Variants in PHACTR1 observed in about 807,000 individuals in gnomAD.
The protein encoded by PHACTR1 is phosphatase and actin regulator 1.
Under a neutral mutation model 69.2 loss-of-function variants are expected in PHACTR1, and 16 were observed. That is an observed-to-expected ratio of 0.23 (90% CI 0.16 to 0.35). PHACTR1 has a LOEUF of 0.35. Among genes scored for constraint, PHACTR1 ranks in the 10% least tolerant of loss-of-function variants. The pLI is 1.00. For missense variants in PHACTR1, 510 were observed against 734.7 expected (o/e 0.69, Z 3.54); for synonymous variants, 312 against 284.5 (o/e 1.10, Z -0.97).
intron 6 of PHACTR1, among the ~76,000 whole-genome samples, chr6:13,173,451 C>T (rs1760881543): frequency 6.6e-6 from 1 of 152,166 alleles, no homozygotes; most frequent in Admixed American, 6.5e-5. Context: ...ACTCCCTAAA[C>T]TCAGGCAAAC....
intron 4 of PHACTR1, among the ~76,000 whole-genome samples, chr6:12,777,361 C>T (rs1376044752): frequency 6.6e-6 from 1 of 151,526 alleles, no homozygotes; most frequent in African/African-American, 2.4e-5. Context: ...AAGTGTAGTA[C>T]CCAATAGGTA....
intron 5 of PHACTR1, among the ~76,000 whole-genome samples, chr6:13,081,421 G>T (rs1339341220): frequency 6.6e-6 from 1 of 152,114 alleles, no homozygotes; most frequent in African/African-American, 2.4e-5. Flanking sequence ...AATGATAGAC[G>T]CAACATGTAT....
At chr6:12,894,048 CTT>C (rs1384321395) in intron 4 of PHACTR1, among the ~76,000 whole-genome samples, 4 of 152,178 alleles carry the variant, frequency 2.6e-5, no homozygotes, top group Admixed American at 6.5e-5. Flanking sequence ...TTATTGGTCT[CTT>C]TACTTTTTAA....
In PHACTR1 at chr6:13,130,463, A is replaced by G. The variant is rs963468367; in HGVS notation, c.416-29741A>G. Reference sequence around the variant, plus strand: ...AAGATCCAAATAAGCTCAATTAGAAATTAAACAGGAGATATTACAACCAAT... The same window carrying G: ...AAGATCCAAATAAGCTCAATTAGAAGTTAAACAGGAGATATTACAACCAAT... On this transcript the variant is annotated intron_variant, in intron 5 of 14. Transcript: ENST00000332995. 6.6e-5 allele frequency among the ~76,000 whole-genome samples: 10 copies of G among 152,272 alleles called. No homozygotes were observed. In the East Asian group the frequency reaches 1.7e-3, roughly 26 times the overall value.
rs116156186 is a variant in PHACTR1 at position 12,908,005 on chromosome 6, T to G, written c.251-145360T>G. Among the ~76,000 whole-genome samples the G allele has an allele frequency of 8.2e-3, 1,250 of 152,344 alleles. 13 individuals carry two copies. Among genetic ancestry groups the G allele is most frequent in the Middle Eastern group, 0.017 (5 of 294 alleles). On this transcript the variant is annotated intron_variant, in intron 4 of 14. Coordinates refer to ENST00000332995, the MANE Select transcript of PHACTR1 (RefSeq NM_030948.6). ...GTCCATCTATGTGATTCTTGAATAA[T>G]TCCCACAAAATCTCCAGCTTAGCCT...
chr6:12,951,003 G>A (rs1328562621), intron 4 of PHACTR1, among the ~76,000 whole-genome samples: 1 of 152,164 alleles, frequency 6.6e-6, no homozygotes, highest in Non-Finnish European at 1.5e-5. Context: ...ACCAACAAAA[G>A]GGCCTGATCC....
intron 5 of PHACTR1, among the ~76,000 whole-genome samples, chr6:13,118,427 C>T (rs1818134546): frequency 6.6e-6 from 1 of 150,560 alleles, no homozygotes; most frequent in South Asian, 2.1e-4. Flanking sequence ...CCTCGTGAAG[C>T]TTCTCTGTGA....
intron 4 of PHACTR1, among the ~76,000 whole-genome samples, chr6:12,879,621 C>T (rs772474308): frequency 2.6e-5 from 4 of 152,094 alleles, no homozygotes; most frequent in Admixed American, 1.3e-4. Flanking sequence ...AACACTAACT[C>T]GTAATGATAT....
intron 4 of PHACTR1, among the ~76,000 whole-genome samples, chr6:12,777,745 C>A (rs917477917): frequency 1.3e-5 from 2 of 149,776 alleles, no homozygotes; most frequent in African/African-American, 4.9e-5. Flanking sequence ...AATTCTCCTG[C>A]CTCAGCCTCC....
intron 5 of PHACTR1, among the ~76,000 whole-genome samples, chr6:13,095,631 G>T (rs905381286): frequency 3.3e-5 from 5 of 152,024 alleles, no homozygotes; most frequent in African/African-American, 1.2e-4. Context: ...ACAGCTGGAA[G>T]GTCGTACAAA....
intron 4 of PHACTR1, among the ~76,000 whole-genome samples, chr6:12,867,908 G>A (rs1271827521): frequency 1.3e-5 from 2 of 152,028 alleles, no homozygotes; most frequent in Admixed American, 6.5e-5. Flanking sequence ...TCTATTTTTA[G>A]ACTAACATTG....
chr6:12,907,170 G>A (rs978239249), intron 4 of PHACTR1, among the ~76,000 whole-genome samples: 2 of 152,062 alleles, frequency 1.3e-5, no homozygotes, highest in African/African-American at 4.8e-5. Flanking sequence ...ATGAACAATT[G>A]GCTTTTTCCG....
chr6:12,893,522 T>A (rs1417298598), intron 4 of PHACTR1, among the ~76,000 whole-genome samples: 1 of 152,162 alleles, frequency 6.6e-6, no homozygotes, highest in Non-Finnish European at 1.5e-5. Flanking sequence ...TTACATACTT[T>A]ATGATTTTTT....
At chr6:13,205,224 T>C (rs1264189391) in intron 7 of PHACTR1, among the ~76,000 whole-genome samples, 1 of 152,020 alleles carries the variant, frequency 6.6e-6, no homozygotes. Context: ...CCCAGACTCT[T>C]CTTAACAACC....
At chr6:13,080,050 T>G (rs1583267960) in intron 5 of PHACTR1, among the ~76,000 whole-genome samples, 1 of 152,090 alleles carries the variant, frequency 6.6e-6, no homozygotes, top group East Asian at 1.9e-4. Context: ...GTTGGAAGGC[T>G]CAAAAATTCA....
intron 4 of PHACTR1, among the ~76,000 whole-genome samples, chr6:12,784,452 ATATACC>A (rs1771253241): frequency 1.3e-5 from 2 of 151,376 alleles, no homozygotes; most frequent in South Asian, 4.2e-4. Flanking sequence ...ATCTATACAC[ATATACC>A]TATACACACA....
intron 4 of PHACTR1, among the ~76,000 whole-genome samples, chr6:12,814,615 C>T (rs528382767): frequency 9.2e-5 from 14 of 152,152 alleles, no homozygotes; most frequent in African/African-American, 3.4e-4. Context: ...ACAGGACTTG[C>T]TAAGATTCTG....
chr6:13,240,515 G>A (rs1451871965), intron 10 of PHACTR1, among the ~76,000 whole-genome samples: 1 of 152,014 alleles, frequency 6.6e-6, no homozygotes. Flanking sequence ...CGCAATCTTG[G>A]CTCACTGCAA....
chr6:13,063,778 T>TA (rs1808065426), intron 5 of PHACTR1, among the ~76,000 whole-genome samples: 1 of 147,194 alleles, frequency 6.8e-6, no homozygotes, highest in Admixed American at 6.7e-5. Flanking sequence ...AGACCCTGTC[T>TA]GAAAAAAAAA....
Sources: gnomAD v4.1 joint callset for allele counts (sites outside exome capture counted in the v4.1 genomes callset) on GRCh38, gnomAD v4.1.1 for gene constraint, MANE v1.5 for transcripts, NCBI Gene and HGNC (gene_info 2026-07-23, HGNC 2026-07-21) for gene names.